Variants in TMEFF2 observed in about 807,000 individuals in gnomAD.
The protein encoded by TMEFF2 is transmembrane protein with EGF like and two follistatin like domains 2, also known as tomoregulin-2.
Under a neutral mutation model 53.8 loss-of-function variants are expected in TMEFF2, and 28 were observed. The observed-to-expected ratio is 0.52, with a 90% CI of 0.39 to 0.71. TMEFF2 has a LOEUF of 0.71. Among genes scored for constraint, TMEFF2 ranks in the 30% least tolerant of loss-of-function variants. TMEFF2 has a pLI of 0.00. For missense variants in TMEFF2, 353 were observed against 455.2 expected, an observed-to-expected ratio of 0.78 and a Z score of 2.04; for synonymous variants, 162 against 166.3, an observed-to-expected ratio of 0.97 and a Z score of 0.20.
chr2:192,042,454 G>A (rs1034542444), intron 5 of TMEFF2, among the ~76,000 whole-genome samples: 1 of 152,092 alleles, frequency 6.6e-6, no homozygotes, highest in African/African-American at 2.4e-5. Context: ...AAGTTCCAGC[G>A]GGCACCTAAA....
chr2:192,075,303 AT>A lies in TMEFF2; in HGVS notation c.440-17529del, dbSNP rs1559115033. ...AGTACTATTATATATATATATATAT[AT>A]ATATATATATATATATATATATATA... On this transcript the variant is annotated intron_variant, in intron 4 of 9. Transcript: ENST00000272771. Among the ~76,000 whole-genome samples the A allele has an allele frequency of 4.5e-3, 198 of 44,392 alleles. 7 individuals carry two copies. Among genetic ancestry groups the A allele is most frequent in the Non-Finnish European group, 7.8e-3 (146 of 18,818 alleles). The allele number at this position is 44,392 out of a possible 152,430, so 29.1% of individuals were successfully genotyped here.
intron 4 of TMEFF2, among the ~76,000 whole-genome samples, chr2:192,090,597 A>G (rs192069384): frequency 7.4e-4 from 112 of 152,248 alleles, no homozygotes; most frequent in Non-Finnish European, 1.3e-3. Flanking sequence ...TGTTTTCTGT[A>G]TGAAAGGAAT....
chr2:191,997,977 A>T (rs974682199), intron 7 of TMEFF2, among the ~76,000 whole-genome samples: 1 of 151,950 alleles, frequency 6.6e-6, no homozygotes, highest in East Asian at 1.9e-4. Flanking sequence ...GATGCTATTA[A>T]TTTGATAAAT....
At chr2:192,164,243 T>C (rs1690700636) in intron 4 of TMEFF2, among the ~76,000 whole-genome samples, 2 of 152,162 alleles carry the variant, frequency 1.3e-5, no homozygotes, top group African/African-American at 4.8e-5. Flanking sequence ...GGGCTGCACT[T>C]ACCTTCCTTC....
chr2:192,004,588 C>T (rs1574284292), intron 5 of TMEFF2, among the ~76,000 whole-genome samples: 1 of 151,966 alleles, frequency 6.6e-6, no homozygotes, highest in African/African-American at 2.4e-5. Context: ...TGAGAGCAAC[C>T]TGGGCAAAAT....
intron 2 of TMEFF2, among the ~76,000 whole-genome samples, chr2:192,190,047 G>A (rs1379325863): frequency 6.6e-6 from 1 of 152,052 alleles, no homozygotes; most frequent in South Asian, 2.1e-4. Flanking sequence ...TTAAATTAAT[G>A]ACAAACATGA....
chr2:192,131,578 C>T (rs1204002740), intron 4 of TMEFF2, among the ~76,000 whole-genome samples: 1 of 151,924 alleles, frequency 6.6e-6, no homozygotes, highest in Non-Finnish European at 1.5e-5. Context: ...TATCTCTGTG[C>T]CCCAATCCCT....
intron 5 of TMEFF2, among the ~76,000 whole-genome samples, chr2:192,044,812 C>CT (rs1434510084): frequency 6.6e-6 from 1 of 152,124 alleles, no homozygotes; most frequent in Non-Finnish European, 1.5e-5. Context: ...GCTACTGGGC[C>CT]TTAGTAGAGA....
chr2:192,070,008 A>G (rs1157337818), intron 4 of TMEFF2, among the ~76,000 whole-genome samples: 833 of 12,914 alleles, frequency 0.065, 9 homozygotes, highest in African/African-American at 0.15. Context: ...ATATATATAT[A>G]TATATATATA....
chr2:192,054,888 G>A (rs530733893), intron 5 of TMEFF2, among the ~76,000 whole-genome samples: 1 of 151,670 alleles, frequency 6.6e-6, no homozygotes, highest in East Asian at 1.9e-4. Flanking sequence ...TTTGAAGATA[G>A]CTGAGAAAAA....
intron 4 of TMEFF2, chr2:192,178,654 A>C (rs1691110495): frequency 6.6e-6 from 1 of 151,278 alleles, no homozygotes; most frequent in Admixed American, 6.6e-5. Context: ...CTTTCATTAC[A>C]TAAGGAAACT....
intron 4 of TMEFF2, among the ~76,000 whole-genome samples, chr2:192,065,891 G>C (rs565939212): frequency 6.6e-6 from 1 of 151,546 alleles, no homozygotes; most frequent in East Asian, 1.9e-4. Flanking sequence ...TGTACAACTT[G>C]CCTATTTTGC....
At chr2:191,951,511 G>A (rs1051086654) in intron 9 of TMEFF2, among the ~76,000 whole-genome samples, 4 of 152,028 alleles carry the variant, frequency 2.6e-5, no homozygotes, top group Admixed American at 1.3e-4. Context: ...TGAGGAAGAC[G>A]AAAAATCAAA....
chr2:192,150,344 C>G (rs1270415384), intron 4 of TMEFF2, among the ~76,000 whole-genome samples: 2 of 151,768 alleles, frequency 1.3e-5, no homozygotes, highest in Non-Finnish European at 2.9e-5. Context: ...ACAATATGGG[C>G]CAGTGTGGGG....
At chr2:191,981,607 C>T (rs564835812) in intron 7 of TMEFF2, among the ~76,000 whole-genome samples, 34 of 152,214 alleles carry the variant, frequency 2.2e-4, no homozygotes, top group African/African-American at 7.9e-4. Context: ...ATTCTTAATG[C>T]TTTATTTTCT....
chr2:192,167,571 C>A (rs1019502195), intron 4 of TMEFF2, among the ~76,000 whole-genome samples: 3 of 152,056 alleles, frequency 2.0e-5, no homozygotes, highest in Non-Finnish European at 4.4e-5. Flanking sequence ...TAGAAAAGTC[C>A]TTTTCTCTTC....
chr2:192,079,199 T>C (rs1170504801), intron 4 of TMEFF2, among the ~76,000 whole-genome samples: 1 of 152,214 alleles, frequency 6.6e-6, no homozygotes, highest in Non-Finnish European at 1.5e-5. Flanking sequence ...TTGCCCAATA[T>C]GAGACTTCTA....
chr2:192,032,679 GC>G (rs1365006446), intron 5 of TMEFF2: 1 of 152,192 alleles, frequency 6.6e-6, no homozygotes, highest in African/African-American at 2.4e-5. Context: ...GTAGTGAGAA[GC>G]CTGGGCTCTG....
At chr2:191,998,144 G>A (rs568321255) in intron 7 of TMEFF2, 118 bp downstream of exon 7, 1 of 770,932 alleles carries the variant, frequency 1.3e-6, no homozygotes, top group Admixed American at 3.1e-5. Context: ...AGCAAGAGAA[G>A]GCTAGCACAT....
Sources: gnomAD v4.1 joint callset for allele counts (sites outside exome capture counted in the v4.1 genomes callset) on GRCh38, gnomAD v4.1.1 for gene constraint, MANE v1.5 for transcripts, NCBI Gene and HGNC (gene_info 2026-07-23, HGNC 2026-07-21) for gene names.